The following ATAD3A variants were observed in gnomAD, a reference collection of about 807,000 sequenced individuals.
The protein encoded by ATAD3A is ATPase family AAA domain-containing protein 3A.
In ATAD3A, 46 loss-of-function variants were observed where a neutral mutation model predicts 73.8. The ratio of observed to expected loss-of-function variants is 0.62; its 90% confidence interval spans 0.49 to 0.80. The LOEUF is 0.80. ATAD3A is among the 30% of genes least tolerant of loss of function. ATAD3A has a pLI of 0.00. For missense variants in ATAD3A, 705 were observed against 838.0 expected (o/e 0.84, Z 1.96); for synonymous variants, 319 against 350.0 (o/e 0.91, Z 0.99).
intron 14 of ATAD3A, among the ~76,000 whole-genome samples, chr1:1,528,126 AT>A (rs1318555394): frequency 2.6e-5 from 4 of 151,276 alleles, no homozygotes; most frequent in South Asian, 4.2e-4. Context: ...TGCCTGGCTA[AT>A]TTTTTTTTAA....
chr1:1,527,496 G>A (rs1570351309), intron 13 of ATAD3A, among the ~76,000 whole-genome samples, 199 bp from the exon 14 acceptor site: 1 of 152,354 alleles, frequency 6.6e-6, no homozygotes, highest in Non-Finnish European at 1.5e-5. Context: ...AGCACTATAT[G>A]GAGGGAGAAC....
intron 12 of ATAD3A, among the ~76,000 whole-genome samples, chr1:1,525,760 T>A (rs1641803805): frequency 6.6e-6 from 1 of 152,078 alleles, no homozygotes; most frequent in South Asian, 2.1e-4. Context: ...CAGGCTGGAG[T>A]GCAGGGGCGA....
chr1:1,523,447 C>T lies in ATAD3A; in HGVS notation c.907-64C>T, dbSNP rs570314956. 1.6e-5 allele frequency: 26 copies of T among 1,583,534 alleles called. 1 individual carries two copies. The highest frequency in any genetic ancestry group is 1.2e-4 in the East Asian group (5 of 42,822). On this transcript the variant is annotated intron_variant, in intron 8 of 15. Transcript: ENST00000378756. The surrounding 1 kb of genome is among the most constrained non-coding windows in gnomAD (Gnocchi z 5.1). ...GCGTGTTACCGAGCGTGTGTGTGCGCGTTGGTGGCTGTTCCGTGGCTGTGG... is the reference window on the plus strand; with the variant it reads ...GCGTGTTACCGAGCGTGTGTGTGCGTGTTGGTGGCTGTTCCGTGGCTGTGG...
rs1193612748 is a variant in ATAD3A, at chr1:1,534,505, G to A, written c.*433G>A. ...GCCAGGGCCAGACCCAGGTGGGGCAGCCTGAACCCTGCTTCCCCCTGTGGC... is the reference window on the plus strand; with the variant it reads ...GCCAGGGCCAGACCCAGGTGGGGCAACCTGAACCCTGCTTCCCCCTGTGGC... On this transcript the variant is annotated 3_prime_UTR_variant, in exon 16 of 16. Transcript: ENST00000378756. The A allele has an allele frequency of 5.5e-6, 4 of 730,408 alleles. No individual in the cohort carries two copies. The highest frequency in any genetic ancestry group is 7.5e-6 in the Non-Finnish European group (4 of 535,004). The allele number at this position is 730,408 out of a possible 1,614,324, so 45.2% of individuals were successfully genotyped here. A position where few individuals can be genotyped will look rare whatever the true frequency, so the allele number is the denominator to read the frequency against.
intron 7 of ATAD3A, among the ~76,000 whole-genome samples, chr1:1,521,602 G>A (rs185379373): frequency 6.6e-6 from 1 of 152,342 alleles, no homozygotes; most frequent in Non-Finnish European, 1.5e-5. Context: ...CCGGTGGCCT[G>A]GTCAGTGTGA....
At chr1:1,516,654 C>G (rs1641368428) in intron 2 of ATAD3A, among the ~76,000 whole-genome samples, 1 of 151,918 alleles carries the variant, frequency 6.6e-6, no homozygotes, top group Non-Finnish European at 1.5e-5. Context: ...TTCAAGTGAT[C>G]CACCTGCCTC....
Position 1,527,941 on chromosome 1 carries a change from A to G in ATAD3A, c.1505+79A>G, listed in dbSNP as rs1641906811. 8 of 1,438,234 alleles carry G rather than the reference A, an allele frequency of 5.6e-6. No individual in the cohort carries two copies. In the South Asian group the frequency reaches 1.1e-4, roughly 20 times the overall value. The allele number at this position is 1,438,234 out of a possible 1,614,324, so 89.1% of individuals were successfully genotyped here. Reference sequence around the variant, plus strand: ...CCCGACCCACAGTCCACCATCACTTACAAACCTTTAACATTCCTTTTTTTT... The same window carrying G: ...CCCGACCCACAGTCCACCATCACTTGCAAACCTTTAACATTCCTTTTTTTT... On this transcript the variant is annotated intron_variant, in intron 14 of 15. Transcript: ENST00000378756.
At chr1:1,518,213 TACAG>T (rs1207752368) in intron 4 of ATAD3A, among the ~76,000 whole-genome samples, 4 of 139,468 alleles carry the variant, frequency 2.9e-5, no homozygotes, top group East Asian at 4.3e-4. Flanking sequence ...CACACCCCCA[TACAG>T]ACAGGTACGC....
intron 1 of ATAD3A, among the ~76,000 whole-genome samples, chr1:1,513,570 G>A (rs549236848): frequency 7.2e-5 from 11 of 152,194 alleles, no homozygotes; most frequent in African/African-American, 2.7e-4. Context: ...GCACCGTGGG[G>A]AGCCCTCCAT....
chr1:1,512,997 T>G (rs1049783098), intron 1 of ATAD3A, among the ~76,000 whole-genome samples: 7 of 152,382 alleles, frequency 4.6e-5, no homozygotes, highest in African/African-American at 1.7e-4. Context: ...CAGGCCGTGC[T>G]GCTCAGCTTG....
Position 1,518,902 on chromosome 1 carries a change from T to C in ATAD3A, c.445-19T>C, listed in dbSNP as rs533899765. 2.0e-5 allele frequency: 32 copies of C among 1,614,128 alleles called. No homozygotes were observed. In the African/African-American group the frequency reaches 3.6e-4, roughly 18 times the overall value. ...ACAGGTTTTAAAGGCTTTTCTCTTT[T>C]TCTGCGGCTTCTTCTCAGCAACTTC... On this transcript the variant is annotated intron_variant, in intron 4 of 15. Coordinates refer to ENST00000378756, the MANE Select transcript of ATAD3A (RefSeq NM_001170535.3).
rs561731961 is a variant in ATAD3A at position 1,523,358 on chromosome 1, C to A, written c.907-153C>A. 1.4e-4 allele frequency among the ~76,000 whole-genome samples: 22 copies of A among 152,304 alleles called. No homozygotes were observed. In the East Asian group the frequency reaches 3.7e-3, roughly 25 times the overall value. On this transcript the variant is annotated intron_variant, in intron 8 of 15. Transcript: ENST00000378756. The surrounding 1 kb of genome is among the most constrained non-coding windows in gnomAD (Gnocchi z 5.1). Reference sequence around the variant, plus strand: ...AATCCCAGCAATAGCCGCCTGGTCTCCGGGCGGGGCAGGGTTCCAGCTCCG... The same window carrying A: ...AATCCCAGCAATAGCCGCCTGGTCTACGGGCGGGGCAGGGTTCCAGCTCCG...
chr1:1,518,529 C>T (rs551476762), intron 4 of ATAD3A, among the ~76,000 whole-genome samples: 2 of 130,314 alleles, frequency 1.5e-5, no homozygotes, highest in East Asian at 5.1e-4. Flanking sequence ...GCGCACAGAC[C>T]CCACACACAC....
rs534345370 is a variant in ATAD3A, at chr1:1,528,527, C to A, written c.1505+665C>A. On this transcript the variant is annotated intron_variant, in intron 14 of 15. Coordinates refer to ENST00000378756, the MANE Select transcript of ATAD3A (RefSeq NM_001170535.3). ...CTCGTGGTGTGGGGCACGGCTCTTG[C>A]TGCTCACGTGCCTTGAGGCTGTCAG... 2.0e-5 allele frequency among the ~76,000 whole-genome samples: 3 copies of A among 152,378 alleles called. No homozygotes were observed. The South Asian group carries it at 6.2e-4, about 32-fold the overall frequency.
chr1:1,525,630 G>T (rs553350184), intron 12 of ATAD3A, among the ~76,000 whole-genome samples: 1 of 152,120 alleles, frequency 6.6e-6, no homozygotes, highest in Non-Finnish European at 1.5e-5. Context: ...TAGCCAGGAT[G>T]GTCTCGATCT....
At chr1:1,528,163 A>G (rs966475867) in intron 14 of ATAD3A, among the ~76,000 whole-genome samples, 26 of 151,928 alleles carry the variant, frequency 1.7e-4, no homozygotes, top group African/African-American at 5.8e-4. Flanking sequence ...GGGTTTTACC[A>G]TGTTGGCCAG....
At position 1,523,615 on chromosome 1, in the gene ATAD3A, G is replaced by A. The variant is rs370377863; in HGVS notation, c.963+48G>A. ...GGGGAGGCGCAGGGAGGGGACCCTG[G>A]AGCTGGGCCGGGCTGTGGCCCTTGC... On this transcript the variant is annotated intron_variant, in intron 9 of 15. Transcript: ENST00000378756. This position sits in a 1 kb window ranked among gnomAD's most constrained non-coding sequence, Gnocchi z 5.1. 2.8e-5 allele frequency: 45 copies of A among 1,611,028 alleles called. No homozygotes were observed. In the African/African-American group the frequency reaches 4.1e-4, roughly 15 times the overall value.
At chr1:1,527,288 C>A (rs1479274653) in intron 13 of ATAD3A, 13 of 1,214,306 alleles carry the variant, frequency 1.1e-5, no homozygotes, top group Non-Finnish European at 1.3e-5. Flanking sequence ...CGGGTCCTTC[C>A]CAGAGAGGCA....
At chr1:1,515,936 C>G in intron 1 of ATAD3A, 76 bp from the exon 2 acceptor site, 1 of 1,563,474 alleles carries the variant, frequency 6.4e-7, no homozygotes, top group East Asian at 2.4e-5. Context: ...CCAGAAAGCC[C>G]CTTGGCTGGT....
Sources: gnomAD v4.1 joint callset for allele counts (sites outside exome capture counted in the v4.1 genomes callset) on GRCh38, gnomAD v4.1.1 for gene constraint, Gnocchi (gnomAD v3.1) non-coding constraint, MANE v1.5 for transcripts, NCBI Gene and HGNC (gene_info 2026-07-23, HGNC 2026-07-21) for gene names.